METAP1D: variants seen among roughly 807,000 people sequenced by gnomAD.
The protein encoded by METAP1D is methionyl aminopeptidase type 1D, mitochondrial.
Under a neutral mutation model 40.5 loss-of-function variants are expected in METAP1D, and 31 were observed. That is an observed-to-expected ratio of 0.77 (90% CI 0.58 to 1.03). The LOEUF is 1.03. Ranked by LOEUF, METAP1D falls within the 50% of genes least tolerant of loss-of-function variation. The pLI, the probability that METAP1D is intolerant of heterozygous loss-of-function variation, is 0.00. For missense variants in METAP1D, 411 were observed against 420.7 expected (o/e 0.98, Z 0.20); for synonymous variants, 151 against 146.4 (o/e 1.03, Z -0.22).
At chr2:172,034,083 A>G (rs1367312094) in intron 1 of METAP1D, among the ~76,000 whole-genome samples, 1 of 150,074 alleles carries the variant, frequency 6.7e-6, no homozygotes, top group Admixed American at 6.6e-5. Flanking sequence ...TCTCAAAAAA[A>G]AAAAAAAAAA....
In METAP1D at chr2:172,042,190, T is replaced by TGTACACATATACATATGTATGTGTACAC. The variant is rs1689554450; in HGVS notation, c.41-19306_41-19305insACACATATACATATGTATGTGTACACGT. Among the ~76,000 whole-genome samples, 21 of 78,512 alleles carry TGTACACATATACATATGTATGTGTACAC rather than the reference T, an allele frequency of 2.7e-4. 7 individuals carry two copies. The highest frequency in any genetic ancestry group is 6.6e-4 in the African/African-American group (17 of 25,830). The allele number at this position is 78,512 out of a possible 152,430, so 51.5% of individuals were successfully genotyped here. On this transcript the variant is annotated intron_variant, in intron 1 of 9. Coordinates refer to ENST00000315796, the MANE Select transcript of METAP1D (RefSeq NM_199227.3). ...ACACATATACATATGTATGTGTACA[T>TGTACACATATACATATGTATGTGTACAC]GTGTACACATATACATATGTATGTG...
At chr2:172,054,711 T>C (rs1173209392) in intron 1 of METAP1D, among the ~76,000 whole-genome samples, 1 of 152,108 alleles carries the variant, frequency 6.6e-6, no homozygotes, top group South Asian at 2.1e-4. Flanking sequence ...ATTTTAAATA[T>C]GAAAAAATGT....
Position 172,061,211 on chromosome 2 carries a change from T to C in METAP1D, c.41-287T>C, listed in dbSNP as rs557149574. Among the ~76,000 whole-genome samples, 76 of 152,338 alleles carry C rather than the reference T, an allele frequency of 5.0e-4. 2 individuals carry two copies. The highest frequency in any genetic ancestry group is 1.8e-3 in the African/African-American group (73 of 41,586). On this transcript the variant is annotated intron_variant, in intron 1 of 9. Transcript: ENST00000315796. The stretch of plus-strand genomic sequence containing the variant: ...GGTATTACAGCAGAAATTGTTCTTT[T>C]TACAGACCTGGTGCTTAGCAGATGT...
In METAP1D at chr2:172,001,867, C is replaced by T. The variant is rs139356313; in HGVS notation, c.40+1858C>T. ...TACCCAGCACTTTGGGAGGCCAAGGCGGGCAGATCACTTGAGGCCAGGAGT... is the reference window on the plus strand; with the variant it reads ...TACCCAGCACTTTGGGAGGCCAAGGTGGGCAGATCACTTGAGGCCAGGAGT... On this transcript the variant is annotated intron_variant, in intron 1 of 9. Transcript: ENST00000315796. Among the ~76,000 whole-genome samples, 5,643 of 152,070 alleles carry T rather than the reference C, an allele frequency of 0.037. 833 individuals are homozygous for T. The East Asian group carries it at 0.53, about 14-fold the overall frequency.
chr2:172,056,575 A>G (rs887728493), intron 1 of METAP1D, among the ~76,000 whole-genome samples: 2 of 152,236 alleles, frequency 1.3e-5, no homozygotes, highest in Non-Finnish European at 2.9e-5. Flanking sequence ...TCTCTAATCC[A>G]GAGCATGGCA....
At chr2:172,035,949 G>A (rs1201931972) in intron 1 of METAP1D, among the ~76,000 whole-genome samples, 1 of 151,994 alleles carries the variant, frequency 6.6e-6, no homozygotes, top group Non-Finnish European at 1.5e-5. Context: ...CACTGGGACT[G>A]ATTTTTATAT....
At chr2:172,045,822 T>TATAC (rs1395815291) in intron 1 of METAP1D, among the ~76,000 whole-genome samples, 6 of 30,248 alleles carry the variant, frequency 2.0e-4, no homozygotes, top group African/African-American at 7.7e-4. Flanking sequence ...TGTGTGTGTA[T>TATAC]ATATATATAT....
intron 1 of METAP1D, among the ~76,000 whole-genome samples, chr2:172,043,106 TA>T (rs199888676): frequency 9.0e-6 from 1 of 111,720 alleles, no homozygotes. Context: ...CATATATATA[TA>T]TATATATATA....
intron 3 of METAP1D, among the ~76,000 whole-genome samples, chr2:172,065,013 AT>A (rs1165779496): frequency 6.6e-6 from 1 of 152,216 alleles, no homozygotes; most frequent in Admixed American, 6.5e-5. Flanking sequence ...TAAGGAAAAA[AT>A]ATTTTAAAAA....
chr2:172,053,141 T>G (rs1472872432), intron 1 of METAP1D, among the ~76,000 whole-genome samples: 3 of 152,242 alleles, frequency 2.0e-5, no homozygotes, highest in Non-Finnish European at 4.4e-5. Context: ...TTATGAAACA[T>G]GTCAAGCAAT....
intron 1 of METAP1D, among the ~76,000 whole-genome samples, chr2:172,024,748 T>TTGTGTGTGTGTGTGTGTG (rs61596658): frequency 7.5e-5 from 5 of 66,570 alleles, no homozygotes; most frequent in African/African-American, 2.0e-4. Context: ...GACATATAGA[T>TTGTGTGTGTGTGTGTGTG]TGTGTGTGTG....
At chr2:172,006,155 T>A (rs1247715578) in intron 1 of METAP1D, among the ~76,000 whole-genome samples, 3 of 151,258 alleles carry the variant, frequency 2.0e-5, no homozygotes, top group African/African-American at 7.3e-5. Context: ...ACACACAGAG[T>A]ATGACATACA....
intron 1 of METAP1D, among the ~76,000 whole-genome samples, chr2:172,002,320 C>A (rs1688485790): frequency 6.6e-6 from 1 of 151,864 alleles, no homozygotes. Flanking sequence ...TAGGTTGGTA[C>A]AAAAGTAATT....
At chr2:172,065,835 T>A (rs778013929) in intron 4 of METAP1D, 83 bp downstream of exon 4, 5 of 1,409,428 alleles carry the variant, frequency 3.5e-6, no homozygotes, top group Non-Finnish European at 4.8e-6. Flanking sequence ...AAAGACACTA[T>A]CATTCAATTG....
intron 1 of METAP1D, among the ~76,000 whole-genome samples, chr2:172,045,497 C>T (rs1689716776): frequency 7.3e-6 from 1 of 136,486 alleles, no homozygotes; most frequent in Non-Finnish European, 1.7e-5. Context: ...CCCGTCTCTA[C>T]TAAAAAATAT....
chr2:172,080,097 G>T, intron 8 of METAP1D, 31 bp from the exon 9 acceptor site: 4 of 1,564,406 alleles, frequency 2.6e-6, no homozygotes, highest in Non-Finnish European at 2.6e-6. Flanking sequence ...ATCTGATGAG[G>T]TCACTGCAGT....
At chr2:172,026,930 G>A (rs867399291) in intron 1 of METAP1D, among the ~76,000 whole-genome samples, 80 of 152,206 alleles carry the variant, frequency 5.3e-4, no homozygotes, top group African/African-American at 1.8e-3. Context: ...AGGTTTCTGG[G>A]TCAGGAGCAG....
intron 1 of METAP1D, among the ~76,000 whole-genome samples, chr2:172,060,260 A>G: frequency 6.6e-6 from 1 of 151,854 alleles, no homozygotes; most frequent in East Asian, 1.9e-4. Context: ...TACAAAAAAT[A>G]CAAAAATTAG....
chr2:172,055,822 G>T (rs1018855008), intron 1 of METAP1D, among the ~76,000 whole-genome samples: 1 of 152,176 alleles, frequency 6.6e-6, no homozygotes, highest in Non-Finnish European at 1.5e-5. Context: ...ATTGTCAACA[G>T]ATTGGATATG....
Sources: gnomAD v4.1 joint callset for allele counts (sites outside exome capture counted in the v4.1 genomes callset) on GRCh38, gnomAD v4.1.1 for gene constraint, MANE v1.5 for transcripts, NCBI Gene and HGNC (gene_info 2026-07-23, HGNC 2026-07-21) for gene names.